The following NRXN3 variants were observed in gnomAD, a reference collection of about 807,000 sequenced individuals.
The protein encoded by NRXN3 is neurexin 3.
Under a neutral mutation model 137.6 loss-of-function variants are expected in NRXN3, and 32 were observed. The ratio of observed to expected loss-of-function variants is 0.23; its 90% confidence interval spans 0.18 to 0.31. NRXN3 has a LOEUF of 0.31. Among genes scored for constraint, NRXN3 ranks in the 10% least tolerant of loss-of-function variants. The pLI is 1.00. For synonymous variants in NRXN3, 798 were observed against 784.5 expected, an observed-to-expected ratio of 1.02 and a Z score of -0.29; for missense variants, 1,574 against 2,062.5, an observed-to-expected ratio of 0.76 and a Z score of 4.59.
intron 16 of NRXN3, among the ~76,000 whole-genome samples, chr14:79,615,949 C>T (rs2153886614): frequency 6.6e-6 from 1 of 152,200 alleles, no homozygotes; most frequent in East Asian, 1.9e-4. Flanking sequence ...GAAACTGAGG[C>T]ACTGAGAGGT....
intron 15 of NRXN3, among the ~76,000 whole-genome samples, chr14:79,238,460 G>A (rs557889622): frequency 2.6e-4 from 40 of 152,150 alleles, no homozygotes; most frequent in African/African-American, 8.4e-4. Flanking sequence ...GAGAGAAGGC[G>A]AACCTGAAAA....
At chr14:78,934,925 C>T (rs189346378) in intron 10 of NRXN3, among the ~76,000 whole-genome samples, 5 of 151,530 alleles carry the variant, frequency 3.3e-5, no homozygotes, top group South Asian at 2.1e-4. Flanking sequence ...CAGACCTACA[C>T]GTTGTGCACA....
At chr14:78,927,672 A>G (rs543117311) in intron 10 of NRXN3, among the ~76,000 whole-genome samples, 9 of 152,282 alleles carry the variant, frequency 5.9e-5, no homozygotes, top group African/African-American at 2.2e-4. Context: ...TGCCTCATCT[A>G]TAAGATTGAG....
At chr14:79,127,313 A>G (rs1188042883) in intron 15 of NRXN3, among the ~76,000 whole-genome samples, 2 of 152,114 alleles carry the variant, frequency 1.3e-5, no homozygotes, top group Non-Finnish European at 2.9e-5. Context: ...TTTTAGTTCT[A>G]ACGTTTAAGT....
intron 19 of NRXN3, among the ~76,000 whole-genome samples, chr14:79,755,258 G>A (rs1273753713): frequency 6.6e-6 from 1 of 151,966 alleles, no homozygotes; most frequent in East Asian, 1.9e-4. Context: ...CTATGTAAAT[G>A]CCTGTTATAC....
intron 6 of NRXN3, among the ~76,000 whole-genome samples, chr14:78,694,979 C>T (rs915035732): frequency 3.9e-5 from 6 of 151,914 alleles, no homozygotes; most frequent in East Asian, 1.9e-4. Context: ...TTTATTTTCT[C>T]ATAATTCTGG....
At chr14:78,710,658 T>C (rs1324676715) in intron 7 of NRXN3, among the ~76,000 whole-genome samples, 1 of 152,188 alleles carries the variant, frequency 6.6e-6, no homozygotes, top group Non-Finnish European at 1.5e-5. Context: ...CTAGGTACAT[T>C]TGGCCAGTAA....
At chr14:78,826,266 T>G (rs908299407) in intron 10 of NRXN3, among the ~76,000 whole-genome samples, 27 of 152,120 alleles carry the variant, frequency 1.8e-4, no homozygotes, top group Admixed American at 1.6e-3. Context: ...ATAGGGATAC[T>G]CAGGGAGCAA....
intron 15 of NRXN3, among the ~76,000 whole-genome samples, chr14:79,079,113 C>T (rs1269410019): frequency 6.6e-6 from 1 of 152,196 alleles, no homozygotes; most frequent in Non-Finnish European, 1.5e-5. Flanking sequence ...TCCTGGCACT[C>T]TTCTGATTCC....
intron 15 of NRXN3, among the ~76,000 whole-genome samples, chr14:79,043,323 T>C (rs2099628045): frequency 6.6e-6 from 1 of 152,186 alleles, no homozygotes; most frequent in African/African-American, 2.4e-5. Flanking sequence ...AAGTATCCAC[T>C]AGATTTGAGA....
At chr14:78,428,910 C>A (rs1441584737) in intron 4 of NRXN3, among the ~76,000 whole-genome samples, 1 of 152,148 alleles carries the variant, frequency 6.6e-6, no homozygotes, top group Admixed American at 6.5e-5. Flanking sequence ...ACAGAAACAA[C>A]TAGAATAATG....
intron 15 of NRXN3, among the ~76,000 whole-genome samples, chr14:79,044,883 G>GT (rs2099630705): frequency 6.9e-6 from 1 of 144,576 alleles, no homozygotes; most frequent in Non-Finnish European, 1.5e-5. Context: ...TTTTCTTCCA[G>GT]TTTTTTCCTT....
intron 8 of NRXN3, among the ~76,000 whole-genome samples, chr14:78,778,722 CTT>C (rs1437246137): frequency 1.9e-4 from 26 of 136,124 alleles, no homozygotes; most frequent in Non-Finnish European, 2.9e-4. Flanking sequence ...TTCTTTCTTT[CTT>C]TCTTTCTCTC....
intron 4 of NRXN3, among the ~76,000 whole-genome samples, chr14:78,621,710 T>A (rs1343332982): frequency 6.6e-6 from 1 of 152,208 alleles, no homozygotes; most frequent in Admixed American, 6.5e-5. Flanking sequence ...CTTGTTTGAA[T>A]AATTAACTTT....
intron 16 of NRXN3, among the ~76,000 whole-genome samples, chr14:79,581,595 A>T (rs908015858): frequency 6.6e-6 from 1 of 152,250 alleles, no homozygotes; most frequent in South Asian, 2.1e-4. Flanking sequence ...TTGATATATC[A>T]TCCTTCTTCT....
chr14:79,633,618 C>T (rs2098378946), intron 16 of NRXN3, among the ~76,000 whole-genome samples: 1 of 152,238 alleles, frequency 6.6e-6, no homozygotes, highest in South Asian at 2.1e-4. Context: ...ACCACCTCTT[C>T]TGTTCTGCTC....
intron 4 of NRXN3, among the ~76,000 whole-genome samples, chr14:78,617,925 CCG>C (rs2097362831): frequency 6.9e-6 from 1 of 144,254 alleles, no homozygotes; most frequent in Non-Finnish European, 1.5e-5. Context: ...ATGGCAAAAA[CCG>C]CAATTACTTT....
At chr14:78,425,558 C>T (rs1027418959) in intron 4 of NRXN3, among the ~76,000 whole-genome samples, 12 of 152,022 alleles carry the variant, frequency 7.9e-5, no homozygotes, top group Non-Finnish European at 1.5e-4. Context: ...AGCAGGGGCC[C>T]CTCCCACCCC....
chr14:79,571,087 C>T (rs947811809), intron 16 of NRXN3, among the ~76,000 whole-genome samples: 25 of 152,124 alleles, frequency 1.6e-4, no homozygotes, highest in Admixed American at 1.5e-3. Context: ...CTCATTTAAA[C>T]TCATCAGGGA....
Sources: allele counts gnomAD v4.1 joint callset (sites outside exome capture counted in the v4.1 genomes callset), GRCh38; gene constraint gnomAD v4.1.1; transcripts MANE v1.5; gene names NCBI Gene and HGNC (gene_info 2026-07-23, HGNC 2026-07-21).